PCDH15: variants seen among roughly 807,000 people sequenced by gnomAD.
PCDH15 encodes the protein protocadherin-15.
Under a neutral mutation model 178.5 loss-of-function variants are expected in PCDH15, and 129 were observed. The observed-to-expected ratio is 0.72, with a 90% CI of 0.63 to 0.84. PCDH15 has a LOEUF of 0.84. PCDH15 is among the 40% of genes least tolerant of loss of function. The pLI, the probability that PCDH15 is intolerant of heterozygous loss-of-function variation, is 0.00. For synonymous variants in PCDH15, 800 were observed against 732.0 expected, an observed-to-expected ratio of 1.09 and a Z score of -1.50; for missense variants, 2,230 against 2,099.9, an observed-to-expected ratio of 1.06 and a Z score of -1.21.
chr10:54,026,873 C>T (rs1327579187), intron 18 of PCDH15, among the ~76,000 whole-genome samples: 1 of 151,972 alleles, frequency 6.6e-6, no homozygotes, highest in Non-Finnish European at 1.5e-5. Context: ...CCCTTGAAAA[C>T]TGGCACAAGA....
chr10:54,667,967 T>A (rs867306289), intron 1 of PCDH15, among the ~76,000 whole-genome samples: 3 of 152,130 alleles, frequency 2.0e-5, no homozygotes, highest in Non-Finnish European at 2.9e-5. Context: ...GTGGTTTGCA[T>A]TCCATGTGCA....
intron 15 of PCDH15, among the ~76,000 whole-genome samples, chr10:54,105,167 A>T (rs577188687): frequency 6.6e-6 from 1 of 150,958 alleles, no homozygotes; most frequent in Non-Finnish European, 1.5e-5. Flanking sequence ...CATCCTTAAT[A>T]TTCAGTTCCT....
chr10:54,130,482 T>A (rs7893363), intron 15 of PCDH15, among the ~76,000 whole-genome samples: 58,738 of 151,884 alleles, frequency 0.39, 12,191 homozygotes, highest in African/African-American at 0.53. Flanking sequence ...CATAACAGGT[T>A]TGAGAAAGCA....
intron 3 of PCDH15, among the ~76,000 whole-genome samples, chr10:54,842,129 A>G (rs2133762182): frequency 6.6e-6 from 1 of 151,760 alleles, no homozygotes; most frequent in South Asian, 2.1e-4. Context: ...GTTCATGATA[A>G]TTTCAAATCT....
At chr10:54,774,121 TG>T (rs1261610150) in intron 1 of PCDH15, among the ~76,000 whole-genome samples, 1 of 142,960 alleles carries the variant, frequency 7.0e-6, no homozygotes, top group African/African-American at 2.6e-5. Flanking sequence ...CTCCGCCTCC[TG>T]GGTTCACACC....
In PCDH15 at chr10:54,674,732, T is replaced by A. The variant is rs571557909; in HGVS notation, c.-28-10442A>T. On this transcript the variant is annotated intron_variant, in intron 1 of 37. Transcript: ENST00000644397. Reference sequence around the variant, plus strand: ...ATTTCTTAGAGACTGGATTTTAATGTAAAGCTGAGTTTTATTTTTCTAGGA... The same window carrying A: ...ATTTCTTAGAGACTGGATTTTAATGAAAAGCTGAGTTTTATTTTTCTAGGA... Among the ~76,000 whole-genome samples the A allele has an allele frequency of 2.0e-5, 3 of 152,224 alleles. No individual in the cohort carries two copies. In the South Asian group the frequency reaches 6.2e-4, roughly 32 times the overall value.
At chr10:54,899,376 G>C (rs1380516227) in intron 2 of PCDH15, among the ~76,000 whole-genome samples, 2 of 151,920 alleles carry the variant, frequency 1.3e-5, no homozygotes, top group Non-Finnish European at 2.9e-5. Flanking sequence ...CTGTTTCTAA[G>C]AGTGAGAAAA....
In PCDH15 at chr10:53,809,135, TG is replaced by T. The variant is rs778088114; in HGVS notation, c.4671+1420del. On this transcript the variant is annotated intron_variant, in intron 37 of 37. Coordinates refer to ENST00000644397, the MANE Select transcript of PCDH15 (RefSeq NM_001384140.1). Reference sequence around the variant, plus strand: ...GATTCCGATTCTTCTGATTCAGGGGTGGAACTCTCCTCCTCCTCAGAGGGTG... The same window carrying T: ...GATTCCGATTCTTCTGATTCAGGGGTGAACTCTCCTCCTCCTCAGAGGGTG... 1.2e-5 allele frequency: 20 copies of T among 1,613,898 alleles called. No homozygotes were observed. Among genetic ancestry groups the T allele is most frequent in the Non-Finnish European group, 1.7e-5 (20 of 1,179,872 alleles).
intron 10 of PCDH15, among the ~76,000 whole-genome samples, chr10:54,206,481 C>T (rs1265970748): frequency 1.3e-5 from 2 of 151,998 alleles, no homozygotes; most frequent in African/African-American, 4.8e-5. Context: ...TTTTATCCTG[C>T]CTTTTGCCTT....
intron 2 of PCDH15, among the ~76,000 whole-genome samples, chr10:55,367,173 T>C (rs1310421596): frequency 6.6e-6 from 1 of 152,058 alleles, no homozygotes; most frequent in East Asian, 1.9e-4. Flanking sequence ...TTTTATAGTC[T>C]TACCTTTAAA....
intron 18 of PCDH15, among the ~76,000 whole-genome samples, chr10:54,054,168 T>C (rs1318292929): frequency 2.0e-5 from 3 of 152,134 alleles, no homozygotes. Flanking sequence ...ATTTTACAGA[T>C]ATATGTCTAT....
intron 17 of PCDH15, among the ~76,000 whole-genome samples, chr10:54,070,169 G>A (rs2094212476): frequency 6.6e-6 from 1 of 152,026 alleles, no homozygotes; most frequent in Admixed American, 6.6e-5. Flanking sequence ...CAAAATATAT[G>A]TCTCATTCTC....
intron 1 of PCDH15, among the ~76,000 whole-genome samples, chr10:55,196,874 T>A (rs1168941791): frequency 6.6e-6 from 1 of 152,044 alleles, no homozygotes; most frequent in Non-Finnish European, 1.5e-5. Flanking sequence ...GAATAGCTAC[T>A]CTAACTTTTT....
At chr10:55,365,001 C>A (rs1266122022) in intron 2 of PCDH15, among the ~76,000 whole-genome samples, 1 of 152,018 alleles carries the variant, frequency 6.6e-6, no homozygotes, top group Admixed American at 6.6e-5. Flanking sequence ...GATTTTCTGT[C>A]TTTCCATGTG....
intron 5 of PCDH15, among the ~76,000 whole-genome samples, chr10:54,363,793 T>C (rs1249083643): frequency 6.6e-6 from 1 of 152,188 alleles, no homozygotes; most frequent in Non-Finnish European, 1.5e-5. Flanking sequence ...CAATTCAAAG[T>C]GTAATTGAAC....
At chr10:55,582,991 AAGCTATGGAT>A (rs1842654138) in intron 2 of PCDH15, among the ~76,000 whole-genome samples, 1 of 152,114 alleles carries the variant, frequency 6.6e-6, no homozygotes, top group Non-Finnish European at 1.5e-5. Context: ...GTCATAAATT[AAGCTATGGAT>A]AGCAAATTCC....
At chr10:55,287,050 A>G (rs1186364035) in intron 1 of PCDH15, among the ~76,000 whole-genome samples, 1 of 151,942 alleles carries the variant, frequency 6.6e-6, no homozygotes, top group Non-Finnish European at 1.5e-5. Flanking sequence ...TTTATTTTTC[A>G]TTAATACAGA....
intron 2 of PCDH15, among the ~76,000 whole-genome samples, chr10:55,615,535 G>A (rs1843455813): frequency 6.6e-6 from 1 of 152,012 alleles, no homozygotes; most frequent in Non-Finnish European, 1.5e-5. Context: ...TCTCTTCAAT[G>A]TATACTTTAA....
intron 2 of PCDH15, among the ~76,000 whole-genome samples, chr10:55,439,071 GT>G (rs1384408306): frequency 1.3e-5 from 2 of 151,544 alleles, no homozygotes; most frequent in African/African-American, 4.8e-5. Flanking sequence ...GCTAATTTTT[GT>G]TTTTGTATTT....
Sources: allele counts gnomAD v4.1 joint callset (sites outside exome capture counted in the v4.1 genomes callset), GRCh38; gene constraint gnomAD v4.1.1; transcripts MANE v1.5; gene names NCBI Gene and HGNC (gene_info 2026-07-23, HGNC 2026-07-21).